Variants in CRB1 observed in about 807,000 individuals in gnomAD.
CRB1 encodes protein crumbs homolog 1.
In CRB1, 83 loss-of-function variants were observed where a neutral mutation model predicts 120.0. The observed-to-expected ratio is 0.69, with a 90% CI of 0.58 to 0.83. The LOEUF (loss-of-function observed/expected upper bound fraction) is 0.83. Ranked by LOEUF, CRB1 falls within the 40% of genes least tolerant of loss-of-function variation. CRB1 has a pLI of 0.00. For synonymous variants in CRB1, 625 were observed against 612.5 expected (o/e 1.02, Z -0.30); for missense variants, 1,699 against 1,687.6 (o/e 1.01, Z -0.12).
chr1:197,353,826 A>T (rs1033083421), intron 4 of CRB1, among the ~76,000 whole-genome samples: 2 of 150,998 alleles, frequency 1.3e-5, no homozygotes, highest in African/African-American at 4.8e-5. Context: ...AAAAAAAAAA[A>T]AAAAAAAAAA....
At chr1:197,471,793 G>A (rs570188213) in intron 11 of CRB1, among the ~76,000 whole-genome samples, 2 of 152,088 alleles carry the variant, frequency 1.3e-5, no homozygotes, top group Non-Finnish European at 2.9e-5. Flanking sequence ...CTATGGAAAC[G>A]GCCGCTTCTA....
chr1:197,265,191 C>T (rs550976560), upstream of CRB1, among the ~76,000 whole-genome samples: 24 of 152,238 alleles, frequency 1.6e-4, no homozygotes, highest in African/African-American at 5.8e-4. Flanking sequence ...TGAATTGTAG[C>T]ATTTCCACAT....
At chr1:197,249,711 G>T in the CRB1 span, among the ~76,000 whole-genome samples, 1 of 151,868 alleles carries the variant, frequency 6.6e-6, no homozygotes, top group East Asian at 1.9e-4. Flanking sequence ...CAGGCAAGAT[G>T]ACTAAATCAG....
intron 5 of CRB1, among the ~76,000 whole-genome samples, chr1:197,402,036 G>C (rs1483860512): frequency 2.0e-5 from 3 of 150,660 alleles, no homozygotes; most frequent in African/African-American, 7.3e-5. Context: ...TCTTCTTTTT[G>C]TTTTGTTTTC....
At chr1:197,434,501 T>C (rs1330654805) in intron 8 of CRB1, among the ~76,000 whole-genome samples, 2 of 152,132 alleles carry the variant, frequency 1.3e-5, no homozygotes, top group Non-Finnish European at 2.9e-5. Flanking sequence ...CAACTTCTTC[T>C]TCCATAAAAT....
At chr1:197,459,087 C>T (rs1014205232) in intron 11 of CRB1, among the ~76,000 whole-genome samples, 25 of 151,962 alleles carry the variant, frequency 1.6e-4, no homozygotes, top group African/African-American at 6.0e-4. Context: ...GGATGAAGAA[C>T]AGAGACTAGG....
chr1:197,436,701 A>G (rs1665177804), intron 9 of CRB1, among the ~76,000 whole-genome samples: 1 of 152,286 alleles, frequency 6.6e-6, no homozygotes, highest in African/African-American at 2.4e-5. Flanking sequence ...GTCATCTTCA[A>G]TACTGTGATA....
the CRB1 span, among the ~76,000 whole-genome samples, chr1:197,231,638 G>A: frequency 3.3e-5 from 5 of 152,192 alleles, no homozygotes; most frequent in South Asian, 1.0e-3. Flanking sequence ...TGACATCCCA[G>A]AGGGTGAAAT....
intron 1 of CRB1, among the ~76,000 whole-genome samples, chr1:197,313,901 T>C (rs938759465): frequency 1.3e-5 from 2 of 152,220 alleles, no homozygotes; most frequent in African/African-American, 4.8e-5. Flanking sequence ...TGCAAATATC[T>C]CAAGTCTTTA....
At chr1:197,226,661 A>T in the CRB1 span, among the ~76,000 whole-genome samples, 46 of 152,050 alleles carry the variant, frequency 3.0e-4, no homozygotes, top group African/African-American at 1.1e-3. Context: ...GAGAGACAAG[A>T]TTCTCTCTCT....
chr1:197,396,886 G>A (rs1333808821), intron 5 of CRB1, among the ~76,000 whole-genome samples: 1 of 151,954 alleles, frequency 6.6e-6, no homozygotes, highest in African/African-American at 2.4e-5. Context: ...CTTGGGCTCA[G>A]CAAAGATTTT....
the CRB1 span, among the ~76,000 whole-genome samples, chr1:197,209,112 T>G: frequency 6.6e-6 from 1 of 152,138 alleles, no homozygotes; most frequent in East Asian, 1.9e-4. Context: ...CCAGATGGCA[T>G]GTGAGCAGGG....
intron 5 of CRB1, among the ~76,000 whole-genome samples, chr1:197,399,183 C>T (rs147302173): frequency 3.3e-5 from 5 of 152,196 alleles, no homozygotes; most frequent in African/African-American, 4.8e-5. Flanking sequence ...CCTAACTCCA[C>T]GCTGTTAGAT....
At chr1:197,235,722 T>C in the CRB1 span, among the ~76,000 whole-genome samples, 3 of 152,130 alleles carry the variant, frequency 2.0e-5, no homozygotes, top group African/African-American at 7.2e-5. Flanking sequence ...TACCTAAGTT[T>C]TAGAGTGGTT....
chr1:197,379,615 A>C (rs1661837653), intron 5 of CRB1, among the ~76,000 whole-genome samples: 1 of 151,864 alleles, frequency 6.6e-6, no homozygotes, highest in Non-Finnish European at 1.5e-5. Flanking sequence ...CAAAAAAAAA[A>C]AAAAAAAAAA....
chr1:197,387,477 G>C (rs1662275734), intron 5 of CRB1, among the ~76,000 whole-genome samples: 1 of 151,996 alleles, frequency 6.6e-6, no homozygotes, highest in African/African-American at 2.4e-5. Flanking sequence ...GAATTTAACA[G>C]AAAGTTCCCT....
At chr1:197,424,218 C>A (rs192606192) in intron 6 of CRB1, among the ~76,000 whole-genome samples, 8 of 152,258 alleles carry the variant, frequency 5.3e-5, no homozygotes, top group African/African-American at 1.7e-4. Flanking sequence ...AACACCTTCA[C>A]AAATAGAGAG....
upstream of CRB1, among the ~76,000 whole-genome samples, chr1:197,264,794 G>T (rs1300094893): frequency 4.9e-5 from 7 of 142,570 alleles, no homozygotes; most frequent in African/African-American, 1.5e-4. Flanking sequence ...GCTAACTTTT[G>T]TTTTTTTTTT....
chr1:197,353,242 G>T (rs2359152), intron 4 of CRB1, among the ~76,000 whole-genome samples: 84,640 of 151,614 alleles, frequency 0.56, 27,366 homozygotes, highest in South Asian at 0.81. Context: ...GTAAGAGTTA[G>T]CCAAGAAAAC....
Sources: gnomAD v4.1 joint callset for allele counts (sites outside exome capture counted in the v4.1 genomes callset) on GRCh38, gnomAD v4.1.1 for gene constraint, MANE v1.5 for transcripts, NCBI Gene and HGNC (gene_info 2026-07-23, HGNC 2026-07-21) for gene names.